The following ATXN7 variants were observed in gnomAD, a reference collection of about 807,000 sequenced individuals.
The protein encoded by ATXN7 is ataxin 7, also known as ataxin-7.
In ATXN7, 12 loss-of-function variants were observed where a neutral mutation model predicts 70.5. The observed-to-expected ratio is 0.17, with a 90% CI of 0.11 to 0.28. The LOEUF (loss-of-function observed/expected upper bound fraction) is 0.28. Among genes scored for constraint, ATXN7 ranks in the 10% least tolerant of loss-of-function variants. ATXN7 has a pLI of 1.00. For synonymous variants in ATXN7, 498 were observed against 448.7 expected (o/e 1.11, Z -1.39); for missense variants, 1,256 against 1,131.7 (o/e 1.11, Z -1.58).
intron 1 of ATXN7, among the ~76,000 whole-genome samples, chr3:63,895,783 GTCTC>G (rs60094587): frequency 6.9e-6 from 1 of 144,322 alleles, no homozygotes; most frequent in Non-Finnish European, 1.5e-5. Flanking sequence ...TTGTTTCTCT[GTCTC>G]TCTCTCTCTC....
intron 2 of ATXN7, among the ~76,000 whole-genome samples, chr3:63,908,985 T>C (rs1355125978): frequency 1.3e-5 from 2 of 152,288 alleles, no homozygotes; most frequent in East Asian, 3.9e-4. Context: ...GGTGACAGTT[T>C]TGATGAATTG....
In ATXN7 at chr3:63,972,417, C is replaced by T. The variant is rs114939449; in HGVS notation, c.500-7498C>T. The stretch of plus-strand genomic sequence containing the variant: ...CCTTGAAGCATGCATTGGTATTTCT[C>T]ATAAGGCCCATCCATGCAGAGTGCA... On this transcript the variant is annotated intron_variant, in intron 5 of 12. Coordinates refer to ENST00000674280, the MANE Select transcript of ATXN7 (RefSeq NM_001377405.1). Among the ~76,000 whole-genome samples the T allele has an allele frequency of 4.3e-3, 648 of 152,294 alleles. 4 individuals are homozygous for T. Among genetic ancestry groups the T allele is most frequent in the African/African-American group, 0.015 (618 of 41,558 alleles).
chr3:63,954,488 C>G (rs893323956), intron 5 of ATXN7, among the ~76,000 whole-genome samples: 3 of 152,124 alleles, frequency 2.0e-5, no homozygotes, highest in Non-Finnish European at 2.9e-5. Context: ...GTTCCCTGCT[C>G]TGGACGTGTT....
At chr3:63,968,996 T>C (rs1008863545) in intron 5 of ATXN7, among the ~76,000 whole-genome samples, 4 of 152,230 alleles carry the variant, frequency 2.6e-5, no homozygotes, top group Non-Finnish European at 4.4e-5. Context: ...CTGAAAACTC[T>C]TGTCAGACAG....
At chr3:63,865,894 CAAAAAAAAA>C (rs34205947) in intron 1 of ATXN7, among the ~76,000 whole-genome samples, 42 of 16,554 alleles carry the variant, frequency 2.5e-3, no homozygotes, top group Admixed American at 0.011. Context: ...GACTCCATCT[CAAAAAAAAA>C]AAAAAAAAAA....
rs1320817850 is a variant in ATXN7, at chr3:63,912,750, C to A, written c.152C>A (p.Pro51Gln). ...CCGCAGCCCCAGCGGCAGCAGCACCCGCCACCGCCGCCACGGCGCACACGG... is the reference window on the plus strand; with the variant it reads ...CCGCAGCCCCAGCGGCAGCAGCACCAGCCACCGCCGCCACGGCGCACACGG... ...PPPQPQRQQH[P>Q]PPPPRRTRPE... The change falls in exon 3 of 13, where the codon CCG becomes CAG. Residue 51 changes from proline to glutamine, a missense_variant. Physicochemically the swap from Pro to Gln is moderately conservative, Grantham distance 76. Transcript: ENST00000674280. 2 of 1,306,888 alleles carry A rather than the reference C, an allele frequency of 1.5e-6. No individual in the cohort carries two copies. Among genetic ancestry groups the A allele is most frequent in the Middle Eastern group, 2.5e-4 (1 of 3,944 alleles). The allele number at this position is 1,306,888 out of a possible 1,614,324, so 81.0% of individuals were successfully genotyped here. A position where few individuals can be genotyped will look rare whatever the true frequency, so the allele number is the denominator to read the frequency against.
intron 1 of ATXN7, chr3:63,866,980 A>G (rs759404472): frequency 7.3e-5 from 11 of 150,950 alleles, no homozygotes; most frequent in Non-Finnish European, 1.6e-4. Context: ...TTTTGAGAAT[A>G]TGAAAGACTA....
At chr3:63,912,463 C>G in intron 2 of ATXN7, 125 bp from the exon 3 acceptor site, 1 of 499,916 alleles carries the variant, frequency 2.0e-6, no homozygotes, top group South Asian at 7.7e-5. Context: ...GCTGGGCGGC[C>G]ATGGGGGCGC....
intron 5 of ATXN7, among the ~76,000 whole-genome samples, chr3:63,973,445 T>C (rs1267089995): frequency 6.6e-6 from 1 of 152,122 alleles, no homozygotes; most frequent in Non-Finnish European, 1.5e-5. Flanking sequence ...CTGTGTAAGT[T>C]GATTCTTTTT....
intron 4 of ATXN7, among the ~76,000 whole-genome samples, chr3:63,950,090 A>G (rs1170529863): frequency 2.0e-5 from 3 of 152,170 alleles, no homozygotes; most frequent in Admixed American, 2.0e-4. Context: ...TTACAGAAGT[A>G]TAGATTCTTG....
intron 1 of ATXN7, among the ~76,000 whole-genome samples, chr3:63,875,428 A>G (rs1263823742): frequency 6.6e-6 from 1 of 152,136 alleles, no homozygotes; most frequent in East Asian, 1.9e-4. Flanking sequence ...GGACATAAAC[A>G]TTCCGACCAT....
At chr3:63,892,279 T>C (rs912673495) in intron 1 of ATXN7, among the ~76,000 whole-genome samples, 1 of 152,006 alleles carries the variant, frequency 6.6e-6, no homozygotes, top group African/African-American at 2.4e-5. Flanking sequence ...AGGCCAGTCA[T>C]AGGAGATTAA....
intron 4 of ATXN7, among the ~76,000 whole-genome samples, chr3:63,938,274 T>C (rs1000656205): frequency 2.6e-5 from 4 of 152,174 alleles, no homozygotes; most frequent in Admixed American, 2.0e-4. Context: ...TGTGGAAGTA[T>C]TGCCATTAGG....
At chr3:63,912,288 G>C (rs1431642440) in intron 2 of ATXN7, 1 of 152,042 alleles carries the variant, frequency 6.6e-6, no homozygotes, top group Admixed American at 6.6e-5. Context: ...CTCCGCGCCA[G>C]GTCCTCTGAG....
intron 5 of ATXN7, among the ~76,000 whole-genome samples, chr3:63,953,937 G>A (rs1012685238): frequency 5.3e-5 from 8 of 152,052 alleles, no homozygotes; most frequent in Admixed American, 1.3e-4. Context: ...CATGAGCCAC[G>A]CGCTCAGCCA....
intron 1 of ATXN7, among the ~76,000 whole-genome samples, chr3:63,879,181 A>G (rs572941646): frequency 3.2e-4 from 48 of 152,340 alleles, no homozygotes; most frequent in African/African-American, 1.1e-3. Context: ...ACTCAGTTCT[A>G]TCTTTTAATA....
intron 10 of ATXN7, 86 bp downstream of exon 10, chr3:63,990,460 T>G: frequency 4.7e-6 from 7 of 1,500,284 alleles, no homozygotes; most frequent in Non-Finnish European, 6.4e-6. Flanking sequence ...GATCTTGGCA[T>G]GCCCGTATGT....
chr3:63,922,755 A>C (rs567190756), intron 4 of ATXN7, among the ~76,000 whole-genome samples: 6 of 152,296 alleles, frequency 3.9e-5, no homozygotes, highest in African/African-American at 1.4e-4. Flanking sequence ...TTAACTTAGC[A>C]GTTCTTCACT....
intron 5 of ATXN7, among the ~76,000 whole-genome samples, chr3:63,958,137 C>T (rs1575950781): frequency 6.6e-6 from 1 of 152,180 alleles, no homozygotes; most frequent in African/African-American, 2.4e-5. Context: ...AGTAGAAACA[C>T]TCCTGTGATC....
Sources: allele counts gnomAD v4.1 joint callset (sites outside exome capture counted in the v4.1 genomes callset), GRCh38; gene constraint gnomAD v4.1.1; transcripts MANE v1.5; gene names NCBI Gene and HGNC (gene_info 2026-07-23, HGNC 2026-07-21).